NPAS3: variants seen among roughly 807,000 people sequenced by gnomAD.
NPAS3 encodes the protein neuronal PAS domain protein 3.
Under a neutral mutation model 73.1 loss-of-function variants are expected in NPAS3, and 14 were observed. The ratio of observed to expected loss-of-function variants is 0.19; its 90% CI spans 0.13 to 0.30. The LOEUF is 0.30. Among genes scored for constraint, NPAS3 ranks in the 10% least tolerant of loss-of-function variants. The pLI is 1.00. For missense variants in NPAS3, 1,096 were observed against 1,250.0 expected, an observed-to-expected ratio of 0.88 and a Z score of 1.86; for synonymous variants, 620 against 541.5, an observed-to-expected ratio of 1.14 and a Z score of -2.01.
At chr14:33,074,507 C>T (rs2138672081) in intron 2 of NPAS3, among the ~76,000 whole-genome samples, 1 of 152,228 alleles carries the variant, frequency 6.6e-6, no homozygotes, top group East Asian at 1.9e-4. Context: ...ACCTCCGCCT[C>T]CCAGGTTCAA....
chr14:33,265,915 T>C (rs1182371463), intron 3 of NPAS3, among the ~76,000 whole-genome samples: 2 of 151,778 alleles, frequency 1.3e-5, no homozygotes, highest in African/African-American at 4.8e-5. Context: ...TTAGATAATA[T>C]ATATTTATAT....
intron 2 of NPAS3, among the ~76,000 whole-genome samples, chr14:33,206,370 C>G (rs1295136058): frequency 6.6e-6 from 1 of 152,090 alleles, no homozygotes; most frequent in East Asian, 1.9e-4. Flanking sequence ...CTGGTTTGCC[C>G]AGGAATGTCC....
intron 3 of NPAS3, among the ~76,000 whole-genome samples, chr14:33,324,352 C>A (rs557984973): frequency 1.3e-5 from 2 of 152,090 alleles, no homozygotes; most frequent in Non-Finnish European, 1.5e-5. Context: ...TGCCAATTTC[C>A]CATTAAATGA....
intron 2 of NPAS3, among the ~76,000 whole-genome samples, chr14:33,126,514 C>A (rs2043431648): frequency 6.6e-6 from 1 of 151,990 alleles, no homozygotes; most frequent in Admixed American, 6.6e-5. Flanking sequence ...TGTGGAGGTG[C>A]CTAATCCAGG....
At chr14:33,594,949 C>CTT (rs2057190961) in intron 5 of NPAS3, among the ~76,000 whole-genome samples, 1 of 152,094 alleles carries the variant, frequency 6.6e-6, no homozygotes, top group African/African-American at 2.4e-5. Flanking sequence ...CCTTGAAAGC[C>CTT]ATAAGAGAAA....
chr14:33,061,230 T>C (rs1595357918), intron 2 of NPAS3, among the ~76,000 whole-genome samples: 1 of 152,074 alleles, frequency 6.6e-6, no homozygotes, highest in East Asian at 1.9e-4. Flanking sequence ...GCAGCAGGAG[T>C]GAATTCTTTT....
intron 2 of NPAS3, among the ~76,000 whole-genome samples, chr14:33,062,740 G>A (rs932489096): frequency 2.6e-5 from 4 of 152,290 alleles, no homozygotes; most frequent in South Asian, 2.1e-4. Flanking sequence ...GTTGAACAGC[G>A]GCGTTCAAAA....
intron 4 of NPAS3, among the ~76,000 whole-genome samples, chr14:33,467,727 C>T (rs902350175): frequency 6.6e-6 from 1 of 152,148 alleles, no homozygotes; most frequent in Non-Finnish European, 1.5e-5. Context: ...CAATGTGGAG[C>T]ATGTGCGGCA....
intron 6 of NPAS3, among the ~76,000 whole-genome samples, chr14:33,702,405 G>A (rs543769725): frequency 1.3e-5 from 2 of 152,296 alleles, no homozygotes; most frequent in East Asian, 3.9e-4. Context: ...ACCAATTTCA[G>A]TGCAGATGCA....
chr14:33,259,371 T>G (rs1306459614), intron 3 of NPAS3, among the ~76,000 whole-genome samples: 1 of 152,228 alleles, frequency 6.6e-6, no homozygotes, highest in Admixed American at 6.5e-5. Context: ...ATTAGATGAT[T>G]CACAAACTAA....
chr14:33,668,770 G>A (rs1387915957), intron 5 of NPAS3, among the ~76,000 whole-genome samples: 1 of 152,192 alleles, frequency 6.6e-6, no homozygotes, highest in Non-Finnish European at 1.5e-5. Context: ...AGAGAGCTGA[G>A]ATCATGCCAC....
chr14:33,271,643 A>T (rs549271470), intron 3 of NPAS3, among the ~76,000 whole-genome samples: 38 of 152,296 alleles, frequency 2.5e-4, no homozygotes, highest in African/African-American at 9.1e-4. Context: ...AATATTTATT[A>T]AAAAATACCT....
chr14:33,172,220 C>T (rs960137201), intron 2 of NPAS3, among the ~76,000 whole-genome samples: 3 of 152,048 alleles, frequency 2.0e-5, no homozygotes, highest in East Asian at 3.9e-4. Context: ...AAGATGGCAC[C>T]GACAGACTTA....
At chr14:33,646,247 T>C (rs2058825415) in intron 5 of NPAS3, among the ~76,000 whole-genome samples, 1 of 152,202 alleles carries the variant, frequency 6.6e-6, no homozygotes, top group Non-Finnish European at 1.5e-5. Flanking sequence ...TGTTCATTGT[T>C]TTACTCATCA....
chr14:33,008,639 C>T (rs996259926), intron 1 of NPAS3, among the ~76,000 whole-genome samples: 10 of 152,102 alleles, frequency 6.6e-5, no homozygotes, highest in African/African-American at 1.7e-4. Context: ...GGTTGTAGCA[C>T]ATGGAAGTTA....
chr14:33,365,862 A>G (rs868523710), intron 3 of NPAS3, among the ~76,000 whole-genome samples: 1 of 152,224 alleles, frequency 6.6e-6, no homozygotes, highest in Non-Finnish European at 1.5e-5. Flanking sequence ...CTGAAATGCA[A>G]CAGAATTACC....
chr14:33,110,576 A>T (rs1394567662), intron 2 of NPAS3, among the ~76,000 whole-genome samples: 1 of 152,208 alleles, frequency 6.6e-6, no homozygotes, highest in Non-Finnish European at 1.5e-5. Flanking sequence ...CTTAGAATAT[A>T]CTTTGGGAAA....
At chr14:33,696,783 G>T (rs1353176991) in intron 6 of NPAS3, among the ~76,000 whole-genome samples, 3 of 152,134 alleles carry the variant, frequency 2.0e-5, no homozygotes, top group Admixed American at 2.0e-4. Flanking sequence ...TTTGTTTCTT[G>T]CTTTTGTTTC....
At chr14:33,765,235 G>A (rs1454026542) in intron 7 of NPAS3, among the ~76,000 whole-genome samples, 1 of 151,508 alleles carries the variant, frequency 6.6e-6, no homozygotes, top group African/African-American at 2.4e-5. Flanking sequence ...TGTGGCTAAT[G>A]TATTTTAAAT....
Sources: allele counts gnomAD v4.1 joint callset (sites outside exome capture counted in the v4.1 genomes callset), GRCh38; gene constraint gnomAD v4.1.1; transcripts MANE v1.5; gene names NCBI Gene and HGNC (gene_info 2026-07-23, HGNC 2026-07-21).